Variants in FBN2 observed in about 807,000 individuals in gnomAD.
FBN2 encodes the protein fibrillin 2.
In FBN2, 105 loss-of-function variants were observed where a neutral mutation model predicts 355.6. That is an observed-to-expected ratio of 0.30 (90% CI 0.25 to 0.35). The LOEUF (loss-of-function observed/expected upper bound fraction) is 0.35, where lower values mean the gene tolerates loss of function less well. Ranked by LOEUF, FBN2 falls within the 10% of genes least tolerant of loss-of-function variation. The pLI is 1.00. For synonymous variants in FBN2, 1,350 were observed against 1,301.2 expected (o/e 1.04, Z -0.81); for missense variants, 3,280 against 3,758.7 (o/e 0.87, Z 3.33).
chr5:128,354,459 G>A (rs1321400777), intron 20 of FBN2, among the ~76,000 whole-genome samples: 4 of 152,162 alleles, frequency 2.6e-5, no homozygotes, highest in Non-Finnish European at 1.5e-5. Flanking sequence ...CACAGTTCCT[G>A]GACAAAGAAT....
chr5:128,455,268 C>T (rs1754350501), intron 6 of FBN2, among the ~76,000 whole-genome samples: 1 of 152,110 alleles, frequency 6.6e-6, no homozygotes, highest in Non-Finnish European at 1.5e-5. Flanking sequence ...TTTTAATTCA[C>T]TTGTTTTATG....
At chr5:128,452,397 T>C (rs1210158891) in intron 6 of FBN2, among the ~76,000 whole-genome samples, 1 of 152,224 alleles carries the variant, frequency 6.6e-6, no homozygotes, top group Non-Finnish European at 1.5e-5. Context: ...TCCATGTCTA[T>C]TAAGGTTAAA....
At chr5:128,320,992 T>TA (rs1383396630) in intron 34 of FBN2, among the ~76,000 whole-genome samples, 1 of 152,172 alleles carries the variant, frequency 6.6e-6, no homozygotes, top group African/African-American at 2.4e-5. Flanking sequence ...TATGGCAGTT[T>TA]ACCATAATTT....
chr5:128,392,555 A>C (rs571440253), intron 10 of FBN2, among the ~76,000 whole-genome samples: 2 of 152,242 alleles, frequency 1.3e-5, no homozygotes, highest in Non-Finnish European at 2.9e-5. Flanking sequence ...TTTTAAAAAG[A>C]ATGAAGTTAA....
At chr5:128,394,237 T>C (rs1203516334) in intron 9 of FBN2, among the ~76,000 whole-genome samples, 1 of 152,162 alleles carries the variant, frequency 6.6e-6, no homozygotes, top group African/African-American at 2.4e-5. Context: ...AAAATGATAA[T>C]AGAATTGAAT....
At chr5:128,467,405 T>C (rs902378982) in intron 5 of FBN2, among the ~76,000 whole-genome samples, 5 of 152,168 alleles carry the variant, frequency 3.3e-5, no homozygotes, top group Non-Finnish European at 7.4e-5. Context: ...CTTTAAAATT[T>C]AAACTTACAA....
intron 7 of FBN2, among the ~76,000 whole-genome samples, chr5:128,416,464 C>T (rs78438940): frequency 0.11 from 16,534 of 152,178 alleles, 1,060 homozygotes; most frequent in African/African-American, 0.17. Context: ...GCTTTTGAGT[C>T]GTAGTCATAA....
At chr5:128,286,310 A>G (rs1367561922) in intron 55 of FBN2, among the ~76,000 whole-genome samples, 1 of 152,216 alleles carries the variant, frequency 6.6e-6, no homozygotes, top group African/African-American at 2.4e-5. Context: ...TTGTAAAATA[A>G]TTAAAATTGA....
intron 6 of FBN2, among the ~76,000 whole-genome samples, chr5:128,447,037 C>A (rs1754084025): frequency 6.6e-6 from 1 of 152,154 alleles, no homozygotes; most frequent in Non-Finnish European, 1.5e-5. Context: ...TATCACTTCC[C>A]CAATCAATAT....
At position 128,305,947 on chromosome 5, in the gene FBN2, G is replaced by A. The variant is rs774758393; in HGVS notation, c.5424C>T (p.Asp1808=). The change falls in exon 43 of 65, where the codon GAC becomes GAT. Residue 1808 remains aspartate, a splice_region_variant and synonymous_variant. Coordinates refer to ENST00000262464, the MANE Select transcript of FBN2 (RefSeq NM_001999.4). ...CTGGAATCTCTTTACATTCATCAAT[G>A]TCTGAAATGGAACAGATTTGGTCAA... ...TFDIHTGKAV[D]IDECKEIPGI... 3 of 1,613,180 alleles carry A rather than the reference G, an allele frequency of 1.9e-6. No homozygotes were observed. Among genetic ancestry groups the A allele is most frequent in the Non-Finnish European group, 2.5e-6 (3 of 1,179,374 alleles).
chr5:128,528,604 G>T (rs996633613), intron 3 of FBN2, among the ~76,000 whole-genome samples: 3 of 152,126 alleles, frequency 2.0e-5, no homozygotes, highest in African/African-American at 4.8e-5. Flanking sequence ...ATGGTAAAAG[G>T]TTTCTTCTGA....
At chr5:128,339,821 A>T (rs1750951828) in intron 25 of FBN2, among the ~76,000 whole-genome samples, 1 of 152,072 alleles carries the variant, frequency 6.6e-6, no homozygotes, top group Non-Finnish European at 1.5e-5. Context: ...CCCCAGAGAG[A>T]CAGGCAGCCA....
chr5:128,300,126 T>C (rs1749673688), intron 48 of FBN2, among the ~76,000 whole-genome samples: 1 of 152,172 alleles, frequency 6.6e-6, no homozygotes, highest in South Asian at 2.1e-4. Context: ...ATTGGATAAT[T>C]CAAAGGCAGA....
chr5:128,363,061 CATT>C (rs756532227), intron 18 of FBN2, among the ~76,000 whole-genome samples: 2 of 152,068 alleles, frequency 1.3e-5, no homozygotes, highest in Non-Finnish European at 2.9e-5. Context: ...TAAAAATTAA[CATT>C]ATATTTTAAG....
At chr5:128,316,272 C>T (rs1254393649) in intron 36 of FBN2, among the ~76,000 whole-genome samples, 1 of 152,164 alleles carries the variant, frequency 6.6e-6, no homozygotes, top group Admixed American at 6.5e-5. Flanking sequence ...CGTTATTTTA[C>T]TCTGTTGTAT....
chr5:128,534,741 C>A (rs1472929017), intron 2 of FBN2, among the ~76,000 whole-genome samples: 2 of 152,196 alleles, frequency 1.3e-5, no homozygotes, highest in African/African-American at 2.4e-5. Flanking sequence ...ATTTCTACTG[C>A]AAATATTCTG....
intron 11 of FBN2, among the ~76,000 whole-genome samples, chr5:128,391,759 A>G (rs1044030867): frequency 1.3e-5 from 2 of 152,130 alleles, no homozygotes; most frequent in Non-Finnish European, 2.9e-5. Context: ...AAGAGTAAGC[A>G]TTTCTAAGGA....
In FBN2 at chr5:128,259,154, A is replaced by C; in HGVS notation, c.*301T>G. ...AGGAAAAAAAAAAAAAGCTCACATT[A>C]TTTTTGTGCATTTAGTGCCATATGC... is the stretch of plus-strand genomic sequence containing the variant. On this transcript the variant is annotated 3_prime_UTR_variant, in exon 65 of 65. Coordinates refer to ENST00000262464, the MANE Select transcript of FBN2 (RefSeq NM_001999.4). The C allele has an allele frequency of 3.3e-6, 1 of 299,380 alleles. No individual in the cohort carries two copies. Among genetic ancestry groups the C allele is most frequent in the Middle Eastern group, 1.1e-3 (1 of 930 alleles). 18.5% of individuals were successfully genotyped at this position (299,380 alleles called of 1,614,324 possible). A position where few individuals can be genotyped will look rare whatever the true frequency, so the allele number is the denominator to read the frequency against.
intron 14 of FBN2, among the ~76,000 whole-genome samples, chr5:128,375,324 G>C (rs1431699055): frequency 2.0e-5 from 3 of 152,142 alleles, no homozygotes; most frequent in African/African-American, 7.2e-5. Context: ...CTAATTTCCA[G>C]AAAGCAGAAA....
Sources: gnomAD v4.1 joint callset for allele counts (sites outside exome capture counted in the v4.1 genomes callset) on GRCh38, gnomAD v4.1.1 for gene constraint, MANE v1.5 for transcripts, NCBI Gene and HGNC (gene_info 2026-07-23, HGNC 2026-07-21) for gene names.